Variants in PNPT1 observed in about 807,000 individuals in gnomAD.
PNPT1 encodes polyribonucleotide nucleotidyltransferase 1, also known as polyribonucleotide nucleotidyltransferase 1, mitochondrial.
Under a neutral mutation model 119.5 loss-of-function variants are expected in PNPT1, and 53 were observed. The ratio of observed to expected loss-of-function variants is 0.44; its 90% confidence interval spans 0.36 to 0.56. The LOEUF (loss-of-function observed/expected upper bound fraction) is 0.56, where lower values mean the gene tolerates loss of function less well. PNPT1 is among the 20% of genes least tolerant of loss of function. The pLI, the probability that PNPT1 is intolerant of heterozygous loss-of-function variation, is 0.00. For synonymous variants in PNPT1, 357 were observed against 322.1 expected, an observed-to-expected ratio of 1.11 and a Z score of -1.16; for missense variants, 948 against 938.5, an observed-to-expected ratio of 1.01 and a Z score of -0.13.
At chr2:55,676,735 G>A (rs567270385) in intron 8 of PNPT1, among the ~76,000 whole-genome samples, 8 of 152,032 alleles carry the variant, frequency 5.3e-5, no homozygotes, top group Admixed American at 2.0e-4. Flanking sequence ...GGTGGTGCAC[G>A]CCTGTAATCC....
Position 55,686,560 on chromosome 2 carries a change from G to A in PNPT1, c.223-116C>T, listed in dbSNP as rs892007437. 17 of 696,964 alleles carry A rather than the reference G, an allele frequency of 2.4e-5. 1 individual carries two copies. The highest frequency in any genetic ancestry group is 8.6e-5 in the East Asian group (3 of 34,894). 43.2% of individuals were successfully genotyped at this position (696,964 alleles called of 1,614,324 possible). A position where few individuals can be genotyped will look rare whatever the true frequency, so the allele number is the denominator to read the frequency against. Reference sequence around the variant, plus strand: ...CTCAAGAAAAGATATCTAATTCTACGACACGATTATGAAATAAAAAATATT... The same window carrying A: ...CTCAAGAAAAGATATCTAATTCTACAACACGATTATGAAATAAAAAATATT... On this transcript the variant is annotated intron_variant, in intron 2 of 27. Transcript: ENST00000447944.
intron 18 of PNPT1, among the ~76,000 whole-genome samples, chr2:55,651,188 T>C (rs1233235445): frequency 7.1e-5 from 10 of 140,812 alleles, no homozygotes; most frequent in South Asian, 4.8e-4. Flanking sequence ...CCGCCCCGTC[T>C]GGGAGGTGAG....
Position 55,656,263 on chromosome 2 carries a change from CTCTGTAAGAATACCGTATTAAGTT to C in PNPT1, c.1351+18_1351+41del. On this transcript the variant is annotated intron_variant, in intron 16 of 27. Transcript: ENST00000447944. ...ACAATAAGTAAAAAATGTATTAAGT[CTCTGTAAGAATACCGTATTAAGTT>C]TACAGACCTGTACTTACCATGCCCA... 1 of 1,611,234 alleles carries C rather than the reference CTCTGTAAGAATACCGTATTAAGTT, an allele frequency of 6.2e-7. No homozygotes were observed. The highest frequency in any genetic ancestry group is 8.5e-7 in the Non-Finnish European group (1 of 1,178,278).
intron 18 of PNPT1, among the ~76,000 whole-genome samples, chr2:55,653,756 T>G (rs543641453): frequency 6.6e-6 from 1 of 152,356 alleles, no homozygotes; most frequent in African/African-American, 2.4e-5. Context: ...AGTTTCAATT[T>G]TTCTAGATAA....
chr2:55,673,451 CT>C (rs1235731095), intron 8 of PNPT1, among the ~76,000 whole-genome samples: 482 of 143,224 alleles, frequency 3.4e-3, no homozygotes, highest in Admixed American at 4.1e-3. Flanking sequence ...GTTTTTAATA[CT>C]TTTTTTTTTT....
In PNPT1 at chr2:55,662,014, C is replaced by G. The variant is rs200016391; in HGVS notation, c.1189G>C (p.Val397Leu). 6.4e-7 allele frequency: 1 copy of G among 1,569,414 alleles called. No homozygotes were observed. The highest frequency in any genetic ancestry group is 2.3e-5 in the East Asian group (1 of 43,506). Residue 397 changes from valine (V) to leucine (L), a missense_variant, in exon 14 of 28, where the codon GTT becomes CTT. Val to Leu is a conservative substitution (Grantham distance 32). Coordinates refer to ENST00000447944, the MANE Select transcript of PNPT1 (RefSeq NM_033109.5). The stretch of plus-strand genomic sequence containing the variant: ...CCAGATTCTAATGAATCAAATGTAA[C>G]GGTACAAAGCACCTAAAAAAGAAAA... ...QRGQTQVLCT[V>L]TFDSLESGIK...
intron 26 of PNPT1, among the ~76,000 whole-genome samples, chr2:55,640,342 C>A (rs941273705): frequency 6.6e-6 from 1 of 152,174 alleles, no homozygotes; most frequent in Admixed American, 6.5e-5. Flanking sequence ...TTAGTACACA[C>A]TGGGTTTCAC....
At chr2:55,648,856 CA>C (rs1243676512) in intron 18 of PNPT1, among the ~76,000 whole-genome samples, 1 of 152,134 alleles carries the variant, frequency 6.6e-6, no homozygotes, top group Non-Finnish European at 1.5e-5. Context: ...TTTTGCTTAG[CA>C]GAGCTTTTCT....
chr2:55,689,494 G>T (rs1205652109), intron 1 of PNPT1, among the ~76,000 whole-genome samples: 5 of 152,284 alleles, frequency 3.3e-5, no homozygotes, highest in East Asian at 3.9e-4. Flanking sequence ...GCTAAATGTG[G>T]TATAATCCAT....
chr2:55,689,700 C>T (rs1016286181), intron 1 of PNPT1, among the ~76,000 whole-genome samples: 5 of 152,116 alleles, frequency 3.3e-5, no homozygotes, highest in African/African-American at 9.7e-5. Flanking sequence ...TGGGGAGAAA[C>T]GCTAAGTGAC....
chr2:55,659,489 C>T (rs1350190018), intron 15 of PNPT1, among the ~76,000 whole-genome samples: 1 of 150,466 alleles, frequency 6.6e-6, no homozygotes, highest in Non-Finnish European at 1.5e-5. Context: ...AAAAACTCTA[C>T]TTTTGTTTGA....
Position 55,650,476 on chromosome 2 carries a change from G to C in PNPT1, c.1496-3023C>G, listed in dbSNP as rs1572802536. ...GGTGCCCAGGCTGGAGTGCAGTGGC[G>C]TGATCTCAGCTCGCTACAACCTTCA... On this transcript the variant is annotated intron_variant, in intron 18 of 27. Transcript: ENST00000447944. 2.6e-5 allele frequency among the ~76,000 whole-genome samples: 4 copies of C among 152,272 alleles called. No homozygotes were observed. In the South Asian group the frequency reaches 6.2e-4, roughly 24 times the overall value.
At chr2:55,640,804 C>T (rs755045796) in intron 25 of PNPT1, 99 bp from the exon 26 acceptor site, 45 of 755,686 alleles carry the variant, frequency 6.0e-5, no homozygotes, top group East Asian at 1.3e-4. Flanking sequence ...AAGTAAAAAA[C>T]GAAAAGAAAC....
In PNPT1 at chr2:55,643,139, G is replaced by A. The variant is rs762164126; in HGVS notation, c.2069+19C>T. 2 of 1,612,676 alleles carry A rather than the reference G, an allele frequency of 1.2e-6. No individual in the cohort carries two copies. Among genetic ancestry groups the A allele is most frequent in the Admixed American group, 1.7e-5 (1 of 60,008 alleles). The stretch of plus-strand genomic sequence containing the variant: ...TAAAGAAAGGAAAATGCTCAGCATA[G>A]TATATTACTTGATATTACCTGATTT... On this transcript the variant is annotated intron_variant, in intron 25 of 27. Transcript: ENST00000447944.
chr2:55,680,243 T>C (rs1455729653), intron 7 of PNPT1, among the ~76,000 whole-genome samples: 3 of 152,212 alleles, frequency 2.0e-5, no homozygotes, highest in Non-Finnish European at 2.9e-5. Context: ...ATCTGTCTCC[T>C]TTATGCAGAG....
chr2:55,655,048 A>G (rs1277961194), intron 17 of PNPT1, 95 bp from the exon 18 acceptor site: 34 of 1,170,912 alleles, frequency 2.9e-5, no homozygotes, highest in Non-Finnish European at 3.8e-5. Flanking sequence ...ATTCAGTTAC[A>G]ATACAAATAT....
At chr2:55,674,830 C>T (rs112970705) in intron 8 of PNPT1, among the ~76,000 whole-genome samples, 5 of 152,286 alleles carry the variant, frequency 3.3e-5, no homozygotes, top group African/African-American at 1.2e-4. Context: ...TCTTCTGATA[C>T]CATGATACTG....
intron 1 of PNPT1, among the ~76,000 whole-genome samples, chr2:55,691,729 C>G (rs1697606108): frequency 6.6e-6 from 1 of 151,654 alleles, no homozygotes; most frequent in Non-Finnish European, 1.5e-5. Flanking sequence ...GTCCACTTCC[C>G]TCAAAAATCA....
intron 3 of PNPT1, among the ~76,000 whole-genome samples, 161 bp from the exon 4 acceptor site, chr2:55,685,209 G>T (rs1697363963): frequency 6.6e-6 from 1 of 152,208 alleles, no homozygotes. Context: ...GAGGAAAGTT[G>T]ATAGAAATGT....
Sources: gnomAD v4.1 joint callset for allele counts (sites outside exome capture counted in the v4.1 genomes callset) on GRCh38, gnomAD v4.1.1 for gene constraint, MANE v1.5 for transcripts, NCBI Gene and HGNC (gene_info 2026-07-23, HGNC 2026-07-21) for gene names.